The following UACA variants were observed in gnomAD, a reference collection of about 807,000 sequenced individuals.
The protein encoded by UACA is uveal autoantigen with coiled-coil domains and ankyrin repeats, also known as nuclear membrane binding protein.
UACA carries 112 observed loss-of-function variants against 160.5 expected under a neutral mutation model. That is an observed-to-expected ratio of 0.70 (90% confidence interval 0.60 to 0.82). The LOEUF is 0.82. Ranked by LOEUF, UACA falls within the 40% of genes least tolerant of loss-of-function variation. The pLI is 0.00. For synonymous variants in UACA, 557 were observed against 568.4 expected (o/e 0.98, Z 0.29); for missense variants, 1,574 against 1,614.6 (o/e 0.97, Z 0.43).
chr15:70,666,988 T>C lies in UACA; in HGVS notation c.3696A>G (p.Thr1232=). The change falls in exon 16 of 19, where the codon ACA becomes ACG. Residue 1232 remains threonine (T), a synonymous_variant. Transcript: ENST00000322954. ...EVVDLSKYKA[T]KSDLETQISS... ...AAATCTGTGTCTCCAAATCACTTTT[T>C]GTTGCTTTATATTTAGACAAGTCAA... 4 of 1,613,010 alleles carry C rather than the reference T, an allele frequency of 2.5e-6. No homozygotes were observed. The highest frequency in any genetic ancestry group is 3.4e-6 in the Non-Finnish European group (4 of 1,179,848).
chr15:70,719,059 AAGGG>A (rs1276447732), intron 1 of UACA, among the ~76,000 whole-genome samples: 3 of 151,650 alleles, frequency 2.0e-5, no homozygotes, highest in African/African-American at 7.3e-5. Flanking sequence ...GGGTAGAAAG[AAGGG>A]AGGAAGGAAA....
chr15:70,710,188 G>A (rs904435082), intron 1 of UACA, among the ~76,000 whole-genome samples: 8 of 152,098 alleles, frequency 5.3e-5, no homozygotes, highest in African/African-American at 1.2e-4. Context: ...CTGGGAAGTC[G>A]GGGCTGCAGT....
chr15:70,684,706 A>G (rs574338686), intron 7 of UACA, among the ~76,000 whole-genome samples: 42 of 151,984 alleles, frequency 2.8e-4, no homozygotes, highest in Non-Finnish European at 1.8e-4. Flanking sequence ...ACTAAGTTCA[A>G]GTAAGTGTTC....
chr15:70,760,801 G>A (rs1180141772), intron 1 of UACA, among the ~76,000 whole-genome samples: 1 of 141,606 alleles, frequency 7.1e-6, no homozygotes, highest in East Asian at 2.1e-4. Flanking sequence ...GCGAGACTCC[G>A]TCTCAAAAAA....
intron 1 of UACA, among the ~76,000 whole-genome samples, chr15:70,739,195 A>C (rs796185889): frequency 8.1e-4 from 124 of 152,328 alleles, no homozygotes; most frequent in African/African-American, 2.9e-3. Flanking sequence ...AGAAAATGAA[A>C]TGCACAAAGG....
At chr15:70,662,069 T>C (rs1393451751) in intron 17 of UACA, among the ~76,000 whole-genome samples, 1 of 152,142 alleles carries the variant, frequency 6.6e-6, no homozygotes, top group East Asian at 1.9e-4. Flanking sequence ...GGAAGTCAAA[T>C]TGTCCCTGTT....
intron 13 of UACA, among the ~76,000 whole-genome samples, chr15:70,673,044 C>T (rs942513124): frequency 6.6e-6 from 1 of 152,086 alleles, no homozygotes; most frequent in African/African-American, 2.4e-5. Context: ...TGCAGTGAGC[C>T]GAGATCGTGC....
chr15:70,688,424 T>C (rs939945263), intron 5 of UACA, among the ~76,000 whole-genome samples: 1 of 152,158 alleles, frequency 6.6e-6, no homozygotes, highest in Admixed American at 6.6e-5. Context: ...CATGAATTTT[T>C]TAAGCCTTAT....
intron 1 of UACA, among the ~76,000 whole-genome samples, chr15:70,757,831 G>C (rs2030519921): frequency 6.6e-6 from 1 of 152,174 alleles, no homozygotes; most frequent in Non-Finnish European, 1.5e-5. Flanking sequence ...GTTGGCTCCA[G>C]AGTCCTAATC....
chr15:70,771,391 T>A, the UACA span, among the ~76,000 whole-genome samples: 1 of 152,240 alleles, frequency 6.6e-6, no homozygotes, highest in African/African-American at 2.4e-5. Context: ...AGATAATGCT[T>A]TCCTGCTGCT....
chr15:70,724,900 T>C (rs949927189), intron 1 of UACA, among the ~76,000 whole-genome samples: 3 of 145,168 alleles, frequency 2.1e-5, no homozygotes, highest in Non-Finnish European at 4.5e-5. Flanking sequence ...CTCAGCAACA[T>C]AGCAAGACTC....
intron 18 of UACA, among the ~76,000 whole-genome samples, chr15:70,659,305 TTTA>T (rs1896594991): frequency 6.6e-6 from 1 of 151,744 alleles, no homozygotes; most frequent in Admixed American, 6.6e-5. Flanking sequence ...TATCTTTCTT[TTTA>T]TTATTTTATC....
intron 1 of UACA, among the ~76,000 whole-genome samples, chr15:70,721,626 TAA>T (rs67382101): frequency 1.4e-5 from 2 of 141,302 alleles, no homozygotes; most frequent in Admixed American, 7.1e-5. Context: ...GACTCCATCT[TAA>T]AAAAAAAAAA....
chr15:70,659,060 C>T (rs74021815), intron 18 of UACA, among the ~76,000 whole-genome samples: 2,171 of 152,278 alleles, frequency 0.014, 49 homozygotes, highest in African/African-American at 0.049. Flanking sequence ...TTCTCAGCCT[C>T]TCTAATACAG....
intron 1 of UACA, among the ~76,000 whole-genome samples, chr15:70,706,317 AT>A (rs1443000667): frequency 2.6e-5 from 4 of 152,112 alleles, no homozygotes; most frequent in African/African-American, 9.7e-5. Flanking sequence ...CACTGCTAAC[AT>A]TATACTCAAC....
intron 1 of UACA, among the ~76,000 whole-genome samples, chr15:70,724,731 A>G (rs574903687): frequency 1.3e-5 from 2 of 152,156 alleles, no homozygotes; most frequent in South Asian, 4.1e-4. Flanking sequence ...CTCTTTCTCT[A>G]TATAGTAGGC....
intron 1 of UACA, among the ~76,000 whole-genome samples, chr15:70,725,911 C>T (rs1251814398): frequency 6.6e-6 from 1 of 152,006 alleles, no homozygotes; most frequent in Non-Finnish European, 1.5e-5. Flanking sequence ...GTGATGGATG[C>T]CCTAAATATC....
chr15:70,695,215 C>G, intron 2 of UACA, 110 bp from the exon 3 acceptor site: 1 of 668,606 alleles, frequency 1.5e-6, no homozygotes, highest in Non-Finnish European at 2.4e-6. Flanking sequence ...CAAACACACA[C>G]ACATTTTAAA....
At chr15:70,754,469 A>G (rs2030295243) in intron 1 of UACA, among the ~76,000 whole-genome samples, 1 of 152,230 alleles carries the variant, frequency 6.6e-6, no homozygotes, top group African/African-American at 2.4e-5. Context: ...TGTTTAAAGA[A>G]GGTTAGGCTA....
Sources: gnomAD v4.1 joint callset for allele counts (sites outside exome capture counted in the v4.1 genomes callset) on GRCh38, gnomAD v4.1.1 for gene constraint, MANE v1.5 for transcripts, NCBI Gene and HGNC (gene_info 2026-07-23, HGNC 2026-07-21) for gene names.